The following IL23R variants were observed in gnomAD, a reference collection of about 807,000 sequenced individuals.
IL23R encodes the protein interleukin-23 receptor.
Under a neutral mutation model 56.9 loss-of-function variants are expected in IL23R, and 34 were observed. The observed-to-expected ratio is 0.60, with a 90% confidence interval of 0.45 to 0.80. IL23R has a LOEUF of 0.80. IL23R is among the 30% of genes least tolerant of loss of function. The pLI, the probability that IL23R is intolerant of heterozygous loss-of-function variation, is 0.00. For synonymous variants in IL23R, 230 were observed against 249.2 expected, an observed-to-expected ratio of 0.92 and a Z score of 0.73; for missense variants, 635 against 730.0, an observed-to-expected ratio of 0.87 and a Z score of 1.50.
At chr1:67,233,936 TG>T (rs2100300529) in intron 7 of IL23R, among the ~76,000 whole-genome samples, 1 of 64,486 alleles carries the variant, frequency 1.6e-5, no homozygotes, top group Admixed American at 1.3e-4. Flanking sequence ...AGGCTGTGTG[TG>T]TGTGTGTGTG....
chr1:67,153,131 T>C (rs541066970), intron 1 of IL23R, among the ~76,000 whole-genome samples: 17 of 152,304 alleles, frequency 1.1e-4, no homozygotes, highest in South Asian at 2.1e-4. Flanking sequence ...TCAGAACTTC[T>C]TGTTGGTCTA....
chr1:67,226,044 A>G (rs1181281865), intron 7 of IL23R, among the ~76,000 whole-genome samples: 3 of 152,248 alleles, frequency 2.0e-5, no homozygotes, highest in Non-Finnish European at 4.4e-5. Flanking sequence ...GTCGCATATC[A>G]TGTGGCTCAT....
At chr1:67,238,635 CAG>C (rs1334545335) in intron 8 of IL23R, among the ~76,000 whole-genome samples, 2 of 152,108 alleles carry the variant, frequency 1.3e-5, no homozygotes, top group Non-Finnish European at 2.9e-5. Context: ...TGATAAGAGG[CAG>C]AGTTTAATTC....
intron 9 of IL23R, among the ~76,000 whole-genome samples, chr1:67,254,416 CATAT>C (rs3052942): frequency 1.3e-4 from 20 of 149,568 alleles, no homozygotes; most frequent in African/African-American, 4.2e-4. Flanking sequence ...AATATATATA[CATAT>C]ATATATATAT....
upstream of IL23R, among the ~76,000 whole-genome samples, chr1:67,165,013 G>A (rs1646858736): frequency 6.6e-6 from 1 of 152,178 alleles, no homozygotes; most frequent in South Asian, 2.1e-4. Context: ...TTCAAGACTA[G>A]CTTGGGCAAC....
chr1:67,208,776 C>T (rs2102641561), intron 6 of IL23R, among the ~76,000 whole-genome samples: 1 of 152,222 alleles, frequency 6.6e-6, no homozygotes, highest in Admixed American at 6.5e-5. Flanking sequence ...ACACAGAGTC[C>T]CTAGTGGGGC....
At chr1:67,175,887 TG>T (rs1262934075) in intron 3 of IL23R, among the ~76,000 whole-genome samples, 2 of 152,156 alleles carry the variant, frequency 1.3e-5, no homozygotes, top group East Asian at 3.9e-4. Flanking sequence ...TGCAGTGTCT[TG>T]GTCATAGCTC....
intron 7 of IL23R, among the ~76,000 whole-genome samples, chr1:67,226,783 G>C (rs1047419014): frequency 1.3e-5 from 2 of 152,120 alleles, no homozygotes; most frequent in African/African-American, 2.4e-5. Context: ...CGCCTTAGTA[G>C]TAGTGGTTTG....
chr1:67,245,764 A>C (rs992474197), intron 9 of IL23R, among the ~76,000 whole-genome samples: 11 of 152,102 alleles, frequency 7.2e-5, no homozygotes, highest in African/African-American at 2.7e-4. Context: ...ATTGGCCTAA[A>C]ATTTTCTTTT....
At chr1:67,223,459 G>C (rs1361727319) in intron 7 of IL23R, among the ~76,000 whole-genome samples, 1 of 152,128 alleles carries the variant, frequency 6.6e-6, no homozygotes, top group African/African-American at 2.4e-5. Flanking sequence ...ACCATAGACT[G>C]TTCTCTTGGT....
intron 9 of IL23R, among the ~76,000 whole-genome samples, chr1:67,243,669 A>G (rs1196898896): frequency 2.0e-5 from 3 of 152,184 alleles, no homozygotes; most frequent in Admixed American, 2.0e-4. Context: ...ATAGTATTCA[A>G]TGATGTATGT....
intron 7 of IL23R, among the ~76,000 whole-genome samples, chr1:67,235,078 A>G (rs1219106510): frequency 1.6e-4 from 24 of 152,196 alleles, no homozygotes; most frequent in African/African-American, 5.5e-4. Flanking sequence ...TGGCCTGTAA[A>G]GATAGCACTT....
intron 1 of IL23R, among the ~76,000 whole-genome samples, chr1:67,143,320 G>C (rs1487423772): frequency 6.6e-6 from 1 of 152,096 alleles, no homozygotes; most frequent in African/African-American, 2.4e-5. Context: ...CATGACAAAG[G>C]GTACTATTGT....
intron 7 of IL23R, among the ~76,000 whole-genome samples, chr1:67,233,175 C>G (rs1324259135): frequency 7.1e-6 from 1 of 140,192 alleles, no homozygotes; most frequent in East Asian, 2.0e-4. Context: ...ATGGTGAAAT[C>G]CTGTCTCTAC....
At chr1:67,214,635 C>T (rs1289234988) in intron 6 of IL23R, among the ~76,000 whole-genome samples, 1 of 152,186 alleles carries the variant, frequency 6.6e-6, no homozygotes, top group African/African-American at 2.4e-5. Context: ...TTCAGAGACA[C>T]TGGTAATATA....
At chr1:67,211,303 G>C (rs1649452833) in intron 6 of IL23R, among the ~76,000 whole-genome samples, 1 of 152,212 alleles carries the variant, frequency 6.6e-6, no homozygotes, top group Non-Finnish European at 1.5e-5. Flanking sequence ...TAGTATCACA[G>C]TCATAGAATG....
chr1:67,179,132 A>C (rs1647053656), intron 3 of IL23R, among the ~76,000 whole-genome samples: 1 of 152,226 alleles, frequency 6.6e-6, no homozygotes, highest in African/African-American at 2.4e-5. Flanking sequence ...CTGGCCTCAT[A>C]AAATGAGTTA....
intron 9 of IL23R, among the ~76,000 whole-genome samples, chr1:67,245,342 T>C (rs753320113): frequency 3.6e-4 from 55 of 152,324 alleles, no homozygotes; most frequent in Non-Finnish European, 4.7e-4. Context: ...CTTCCAATAC[T>C]ATGTTGAATA....
chr1:67,174,137 A>G (rs776200174), intron 3 of IL23R, among the ~76,000 whole-genome samples: 33 of 152,120 alleles, frequency 2.2e-4, no homozygotes, highest in Non-Finnish European at 4.3e-4. Flanking sequence ...AATATTTTAT[A>G]TATCTATGAA....
Sources: allele counts gnomAD v4.1 joint callset (sites outside exome capture counted in the v4.1 genomes callset), GRCh38; gene constraint gnomAD v4.1.1; transcripts MANE v1.5; gene names NCBI Gene and HGNC (gene_info 2026-07-23, HGNC 2026-07-21).